The following MPP2 variants were observed in gnomAD, a reference collection of about 807,000 sequenced individuals.
MPP2 encodes the protein MAGUK p55 subfamily member 2.
In MPP2, 42 loss-of-function variants were observed where a neutral mutation model predicts 58.5. The ratio of observed to expected loss-of-function variants is 0.72; its 90% CI spans 0.56 to 0.93. The LOEUF (loss-of-function observed/expected upper bound fraction) is 0.93. Among genes scored for constraint, MPP2 ranks in the 40% least tolerant of loss-of-function variants. The pLI, the probability that MPP2 is intolerant of heterozygous loss-of-function variation, is 0.00. For missense variants in MPP2, 632 were observed against 760.4 expected (o/e 0.83, Z 1.99); for synonymous variants, 300 against 307.8 (o/e 0.97, Z 0.26).
intron 1 of MPP2, chr17:43,907,053 C>A: frequency 3.9e-6 from 2 of 510,066 alleles, no homozygotes; most frequent in Non-Finnish European, 5.1e-6. Flanking sequence ...CTAGGGGGAC[C>A]AGGGGGCCAC....
Position 43,883,197 on chromosome 17 carries a change from A to C in MPP2, c.303+6T>G. Reference sequence around the variant, plus strand: ...CTCCCTCACCCCAGCCCTAGCAGCCAGGAACCTGGAAGTGGGGCTCCTGGA... The same window carrying C: ...CTCCCTCACCCCAGCCCTAGCAGCCCGGAACCTGGAAGTGGGGCTCCTGGA... On this transcript the variant is annotated splice_donor_region_variant and intron_variant, in intron 4 of 12. Coordinates refer to ENST00000269095, the MANE Select transcript of MPP2 (RefSeq NM_005374.5). 1 of 1,600,706 alleles carries C rather than the reference A, an allele frequency of 6.2e-7. No homozygotes were observed. Among genetic ancestry groups the C allele is most frequent in the Non-Finnish European group, 8.5e-7 (1 of 1,172,664 alleles).
At chr17:43,885,104 A>G (rs2047310855) in intron 3 of MPP2, among the ~76,000 whole-genome samples, 1 of 150,972 alleles carries the variant, frequency 6.6e-6, no homozygotes, top group South Asian at 2.1e-4. Context: ...CCTGGGCAAC[A>G]AGAGCAAAAC....
At chr17:43,906,485 C>G (rs2048293101) in intron 1 of MPP2, among the ~76,000 whole-genome samples, 1 of 152,178 alleles carries the variant, frequency 6.6e-6, no homozygotes, top group African/African-American at 2.4e-5. Flanking sequence ...TGTCCGCAGG[C>G]GAGCGGACCA....
chr17:43,903,608 G>A (rs2048181023), intron 2 of MPP2, among the ~76,000 whole-genome samples: 1 of 152,154 alleles, frequency 6.6e-6, no homozygotes, highest in Non-Finnish European at 1.5e-5. Context: ...AATGACTTGA[G>A]GCTGGTAGGC....
chr17:43,883,308 G>A lies in MPP2; in HGVS notation c.198C>T (p.Asn66=). ...EETKLEAVRD[N]NLELVQEILR... ...GGATCTCCTGCACCAGCTCCAGGTT[G>A]TTGTCTCTCACGGCCTCCAGCTTCG... Residue 66 remains asparagine (N), a synonymous_variant, in exon 4 of 13, where the codon AAC becomes AAT. Coordinates refer to ENST00000269095, the MANE Select transcript of MPP2 (RefSeq NM_005374.5). 6.2e-7 allele frequency: 1 copy of A among 1,613,140 alleles called. No homozygotes were observed. The highest frequency in any genetic ancestry group is 8.5e-7 in the Non-Finnish European group (1 of 1,179,930).
intron 1 of MPP2, among the ~76,000 whole-genome samples, chr17:43,905,156 A>G (rs2048241284): frequency 6.6e-6 from 1 of 151,520 alleles, no homozygotes; most frequent in African/African-American, 2.4e-5. Flanking sequence ...CAGCCTGGGC[A>G]ACAGAGCAAG....
At chr17:43,906,170 GAA>G in intron 1 of MPP2, 1 of 977,080 alleles carries the variant, frequency 1.0e-6, no homozygotes, top group Non-Finnish European at 1.2e-6. Context: ...TGGAGGGCGG[GAA>G]AAGGCAGGGA....
In MPP2 at chr17:43,882,243, C is replaced by T. The variant is rs1167042429; in HGVS notation, c.681+41G>A. On this transcript the variant is annotated intron_variant, in intron 6 of 12. Coordinates refer to ENST00000269095, the MANE Select transcript of MPP2 (RefSeq NM_005374.5). ...ACCTGCAACCTTGACAGCCAGGAGG[C>T]TCAGCCATCCCTTGGGCCTTGTGCT... is the stretch of plus-strand genomic sequence containing the variant. 6.4e-6 allele frequency: 10 copies of T among 1,559,278 alleles called. 1 individual carries two copies. The South Asian group carries it at 6.8e-5, about 11-fold the overall frequency.
intron 2 of MPP2, among the ~76,000 whole-genome samples, chr17:43,899,133 G>C (rs990122818): frequency 2.6e-5 from 4 of 152,122 alleles, no homozygotes; most frequent in Non-Finnish European, 5.9e-5. Context: ...TGTAATCCCA[G>C]CTACTCGGGA....
chr17:43,894,418 A>AATAT (rs1382579250), intron 3 of MPP2, among the ~76,000 whole-genome samples: 209 of 77,320 alleles, frequency 2.7e-3, no homozygotes, highest in South Asian at 6.8e-3. Flanking sequence ...TCCATCTCAA[A>AATAT]ATATATATAT....
chr17:43,900,198 GGC>G (rs1201359760), intron 2 of MPP2, among the ~76,000 whole-genome samples: 2 of 152,232 alleles, frequency 1.3e-5, no homozygotes, highest in Non-Finnish European at 2.9e-5. Context: ...GCCGGGGCTT[GGC>G]ATTGGTCAGA....
intron 2 of MPP2, among the ~76,000 whole-genome samples, chr17:43,902,883 C>T (rs992921259): frequency 2.0e-5 from 3 of 152,206 alleles, no homozygotes; most frequent in African/African-American, 4.8e-5. Flanking sequence ...GCGTGCACTA[C>T]GGGAATCCAT....
chr17:43,901,614 C>CACA (rs1337633603), intron 2 of MPP2: 1 of 982,636 alleles, frequency 1.0e-6, no homozygotes, highest in Non-Finnish European at 1.2e-6. Context: ...AGGACAGTAA[C>CACA]CCAGGGATGG....
At chr17:43,894,491 C>T (rs2047752964) in intron 3 of MPP2, among the ~76,000 whole-genome samples, 1 of 140,236 alleles carries the variant, frequency 7.1e-6, no homozygotes, top group Non-Finnish European at 1.5e-5. Context: ...GTGGTGCATG[C>T]CTGTAGTCCC....
intron 3 of MPP2, among the ~76,000 whole-genome samples, chr17:43,890,722 C>T (rs574219767): frequency 4.9e-4 from 74 of 152,336 alleles, no homozygotes; most frequent in Non-Finnish European, 8.8e-4. Flanking sequence ...TTAGAAAGTG[C>T]TTGTGACTGG....
rs2046839560 is a variant in MPP2 at position 43,876,597 on chromosome 17, C to A, written c.*1210G>T. The A allele has an allele frequency of 1.3e-5, 2 of 152,354 alleles. No homozygotes were observed. Among genetic ancestry groups the A allele is most frequent in the African/African-American group, 4.8e-5 (2 of 41,416 alleles). 9.4% of individuals were successfully genotyped at this position (152,354 alleles called of 1,614,324 possible). ...CCAGAAAGGGGCCCCAAAGAGTGAC[C>A]TCCAAAACAAAACCCTTTGCTTCCT... On this transcript the variant is annotated 3_prime_UTR_variant, in exon 13 of 13. Transcript: ENST00000269095.
chr17:43,893,104 C>T (rs1423235193), intron 3 of MPP2, among the ~76,000 whole-genome samples: 1 of 152,096 alleles, frequency 6.6e-6, no homozygotes, highest in Non-Finnish European at 1.5e-5. Context: ...AGTGGACTGT[C>T]GAGTGGACTG....
At chr17:43,899,017 G>T (rs1306450573) in intron 2 of MPP2, among the ~76,000 whole-genome samples, 3 of 152,002 alleles carry the variant, frequency 2.0e-5, no homozygotes, top group Non-Finnish European at 4.4e-5. Context: ...AGGCCGAAGC[G>T]GGTGGATTGC....
chr17:43,898,515 C>CCAGCAACAT, intron 2 of MPP2, 135 bp from the exon 3 acceptor site: 4 of 620,664 alleles, frequency 6.4e-6, no homozygotes, highest in African/African-American at 1.8e-5. Flanking sequence ...ATTCCCCTCC[C>CCAGCAACAT]TGCCCAGCAC....
Sources: gnomAD v4.1 joint callset for allele counts (sites outside exome capture counted in the v4.1 genomes callset) on GRCh38, gnomAD v4.1.1 for gene constraint, MANE v1.5 for transcripts, NCBI Gene and HGNC (gene_info 2026-07-23, HGNC 2026-07-21) for gene names.